Variants in KHDRBS2 observed in about 807,000 individuals in gnomAD.
The protein encoded by KHDRBS2 is KH domain-containing, RNA-binding, signal transduction-associated protein 2.
Under a neutral mutation model 44.3 loss-of-function variants are expected in KHDRBS2, and 26 were observed. The observed-to-expected ratio is 0.59, with a 90% CI of 0.43 to 0.81. The LOEUF (loss-of-function observed/expected upper bound fraction) is 0.81. Ranked by LOEUF, KHDRBS2 falls within the 40% of genes least tolerant of loss-of-function variation. The pLI is 0.00. For synonymous variants in KHDRBS2, 194 were observed against 151.1 expected (o/e 1.28, Z -2.08); for missense variants, 476 against 433.1 (o/e 1.10, Z -0.88).
intron 4 of KHDRBS2, among the ~76,000 whole-genome samples, chr6:61,960,646 TC>T (rs2127392976): frequency 6.6e-6 from 1 of 152,222 alleles, no homozygotes; most frequent in East Asian, 1.9e-4. Context: ...GCAGAATGCC[TC>T]CATTAACAAA....
chr6:61,954,579 CAT>C lies in KHDRBS2; in HGVS notation c.483+23485_483+23486del, dbSNP rs1279117474. Among the ~76,000 whole-genome samples, 211 of 137,974 alleles carry C rather than the reference CAT, an allele frequency of 1.5e-3. 1 individual carries two copies. Among genetic ancestry groups the C allele is most frequent in the African/African-American group, 5.5e-3 (199 of 35,858 alleles). 90.5% of individuals were successfully genotyped at this position (137,974 alleles called of 152,430 possible). A position where few individuals can be genotyped will look rare whatever the true frequency, so the allele number is the denominator to read the frequency against. ...ATATACACATACATACGTATGTAGACATATTTATGTATATATACACATACATA... is the reference window on the plus strand; with the variant it reads ...ATATACACATACATACGTATGTAGACATTTATGTATATATACACATACATA... On this transcript the variant is annotated intron_variant, in intron 4 of 8. Coordinates refer to ENST00000281156, the MANE Select transcript of KHDRBS2 (RefSeq NM_152688.4).
At chr6:62,246,102 T>TTATATA (rs150717074) in intron 1 of KHDRBS2, among the ~76,000 whole-genome samples, 3,518 of 124,030 alleles carry the variant, frequency 0.028, 71 homozygotes, top group Admixed American at 0.078. Context: ...TCAATCAATT[T>TTATATA]TATATATATA....
chr6:61,841,493 T>A (rs1793601197), intron 6 of KHDRBS2, among the ~76,000 whole-genome samples: 1 of 152,212 alleles, frequency 6.6e-6, no homozygotes, highest in African/African-American at 2.4e-5. Flanking sequence ...AATTTGGCTT[T>A]ACAAAGATTA....
intron 6 of KHDRBS2, among the ~76,000 whole-genome samples, chr6:61,811,351 C>G (rs1266769592): frequency 6.6e-6 from 1 of 152,068 alleles, no homozygotes; most frequent in Non-Finnish European, 1.5e-5. Context: ...CAATCCACCA[C>G]TGATGGGCAC....
At chr6:62,065,824 G>C (rs1254936276) in intron 2 of KHDRBS2, among the ~76,000 whole-genome samples, 1 of 148,626 alleles carries the variant, frequency 6.7e-6, no homozygotes, top group African/African-American at 2.5e-5. Context: ...AAATAACAAA[G>C]AAACTAGAAT....
chr6:61,908,663 T>C (rs1378859559), intron 4 of KHDRBS2, among the ~76,000 whole-genome samples: 1 of 148,316 alleles, frequency 6.7e-6, no homozygotes, highest in Non-Finnish European at 1.5e-5. Flanking sequence ...CAATACATAA[T>C]AAAAGAAAAA....
At chr6:61,607,541 A>AAAAAAAAAAAAAAT in the KHDRBS2 span, among the ~76,000 whole-genome samples, 1 of 148,122 alleles carries the variant, frequency 6.8e-6, no homozygotes, top group Non-Finnish European at 1.5e-5. Flanking sequence ...AAAAAAAAAA[A>AAAAAAAAAAAAAAT]AAAAGATGTG....
At chr6:62,123,751 A>G (rs771294579) in intron 2 of KHDRBS2, among the ~76,000 whole-genome samples, 3 of 152,196 alleles carry the variant, frequency 2.0e-5, no homozygotes, top group Non-Finnish European at 4.4e-5. Flanking sequence ...TGCATTTTAT[A>G]TGATTATGTT....
intron 2 of KHDRBS2, among the ~76,000 whole-genome samples, chr6:62,066,345 C>G (rs1001215887): frequency 5.3e-5 from 8 of 151,658 alleles, no homozygotes; most frequent in South Asian, 2.1e-4. Context: ...CCATTTTTAT[C>G]TAAATCTTTG....
chr6:61,740,061 T>C (rs1198912983), intron 6 of KHDRBS2, among the ~76,000 whole-genome samples: 1 of 151,862 alleles, frequency 6.6e-6, no homozygotes, highest in Non-Finnish European at 1.5e-5. Flanking sequence ...AACAAATGTA[T>C]ATGCAATTGA....
chr6:61,649,344 A>C, the KHDRBS2 span, among the ~76,000 whole-genome samples: 10 of 152,174 alleles, frequency 6.6e-5, no homozygotes, highest in African/African-American at 2.4e-4. Flanking sequence ...AATGGCTAAA[A>C]ATATGTTTAT....
At chr6:61,594,503 G>A in the KHDRBS2 span, among the ~76,000 whole-genome samples, 1 of 152,054 alleles carries the variant, frequency 6.6e-6, no homozygotes, top group South Asian at 2.1e-4. Flanking sequence ...AGGAAAAAAA[G>A]CATCAGAAGA....
At chr6:62,026,444 T>A (rs113872780) in intron 3 of KHDRBS2, among the ~76,000 whole-genome samples, 5,259 of 138,934 alleles carry the variant, frequency 0.038, 97 homozygotes, top group Non-Finnish European at 0.041. Flanking sequence ...TATTATTTTT[T>A]TTTTTGGAGA....
At chr6:61,606,982 G>C in the KHDRBS2 span, among the ~76,000 whole-genome samples, 9 of 152,090 alleles carry the variant, frequency 5.9e-5, no homozygotes, top group African/African-American at 2.2e-4. Flanking sequence ...TGAATGCATG[G>C]AGGAAATTAA....
At position 62,047,350 on chromosome 6, in the gene KHDRBS2, T is replaced by C. The variant is rs148078474; in HGVS notation, c.336+528A>G. ...AACATCAAACTTGATAGATCTCTTA[T>C]TGTTCTTTTGGGGGTCAGGTGAGTT... On this transcript the variant is annotated intron_variant, in intron 3 of 8. Transcript: ENST00000281156. Among the ~76,000 whole-genome samples, 552 of 152,076 alleles carry C rather than the reference T, an allele frequency of 3.6e-3. 1 individual carries two copies. The highest frequency in any genetic ancestry group is 4.5e-3 in the Non-Finnish European group (303 of 67,892).
At chr6:62,111,805 C>G (rs1805060133) in intron 2 of KHDRBS2, among the ~76,000 whole-genome samples, 1 of 152,012 alleles carries the variant, frequency 6.6e-6, no homozygotes, top group Non-Finnish European at 1.5e-5. Context: ...TCACTTGAGG[C>G]CAGCAGTTTG....
chr6:61,749,787 C>T (rs1043840957), intron 6 of KHDRBS2, among the ~76,000 whole-genome samples: 2 of 152,130 alleles, frequency 1.3e-5, no homozygotes, highest in African/African-American at 4.8e-5. Flanking sequence ...AGCAATCAGC[C>T]TGGGGACATG....
At chr6:61,705,975 G>T (rs1769470843) in intron 7 of KHDRBS2, among the ~76,000 whole-genome samples, 1 of 151,840 alleles carries the variant, frequency 6.6e-6, no homozygotes, top group South Asian at 2.1e-4. Context: ...TGAGGTCAGG[G>T]CTATTTGCAT....
At chr6:62,101,785 T>C (rs1225280762) in intron 2 of KHDRBS2, among the ~76,000 whole-genome samples, 1 of 152,234 alleles carries the variant, frequency 6.6e-6, no homozygotes, top group Non-Finnish European at 1.5e-5. Context: ...TATATGAACA[T>C]TTATTCTTAA....
Sources: gnomAD v4.1 joint callset for allele counts (sites outside exome capture counted in the v4.1 genomes callset) on GRCh38, gnomAD v4.1.1 for gene constraint, MANE v1.5 for transcripts, NCBI Gene and HGNC (gene_info 2026-07-23, HGNC 2026-07-21) for gene names.